The following BMP6 variants were observed in gnomAD, a reference collection of about 807,000 sequenced individuals.
BMP6 encodes bone morphogenetic protein 6, also known as VG-1-R.
A neutral mutation model predicts 54.1 loss-of-function variants in BMP6; 17 were observed. The ratio of observed to expected loss-of-function variants is 0.31; its 90% CI spans 0.22 to 0.47. The LOEUF (loss-of-function observed/expected upper bound fraction) is 0.47, where lower values mean the gene tolerates loss of function less well. Among genes scored for constraint, BMP6 ranks in the 20% least tolerant of loss-of-function variants. The pLI, the probability that BMP6 is intolerant of heterozygous loss-of-function variation, is 1.00. For missense variants in BMP6, 720 were observed against 690.4 expected (o/e 1.04, Z -0.48); for synonymous variants, 328 against 291.2 (o/e 1.13, Z -1.28).
intron 1 of BMP6, among the ~76,000 whole-genome samples, chr6:7,826,505 C>T (rs1451961161): frequency 1.3e-5 from 2 of 152,138 alleles, no homozygotes; most frequent in African/African-American, 4.8e-5. Flanking sequence ...CTCCTTAATG[C>T]CAACCTCTGG....
Position 7,749,729 on chromosome 6 carries a change from C to T in BMP6, c.664+22110C>T, listed in dbSNP as rs1469226788. Among the ~76,000 whole-genome samples, 4 of 152,134 alleles carry T rather than the reference C, an allele frequency of 2.6e-5. No individual in the cohort carries two copies. The East Asian group carries it at 5.8e-4, about 22-fold the overall frequency. ...GTGCAGACGGGACACCGTGACATTG[C>T]CTGGTTGATTCATTGTGAAGGCATC... On this transcript the variant is annotated intron_variant, in intron 1 of 6. Transcript: ENST00000283147.
At chr6:7,871,452 TG>T (rs898834613) in intron 4 of BMP6, among the ~76,000 whole-genome samples, 1 of 152,118 alleles carries the variant, frequency 6.6e-6, no homozygotes, top group Non-Finnish European at 1.5e-5. Flanking sequence ...GAATTCGTCC[TG>T]GGGGGGCTTT....
At chr6:7,878,389 G>A (rs555341780) in intron 4 of BMP6, among the ~76,000 whole-genome samples, 1 of 152,312 alleles carries the variant, frequency 6.6e-6, no homozygotes, top group African/African-American at 2.4e-5. Context: ...TGGTGATTCA[G>A]TTAAGCCAGG....
At chr6:7,876,056 C>T (rs528138300) in intron 4 of BMP6, among the ~76,000 whole-genome samples, 6 of 152,246 alleles carry the variant, frequency 3.9e-5, no homozygotes, top group African/African-American at 9.6e-5. Context: ...AGCTATCTGT[C>T]GTGGGAAATG....
chr6:7,856,614 T>TTTTTTTTTTTTTTTTTTTTTTTG (rs1491363620), intron 2 of BMP6, among the ~76,000 whole-genome samples: 2 of 95,134 alleles, frequency 2.1e-5, no homozygotes, highest in African/African-American at 7.8e-5. Context: ...TTTTTTTTTT[T>TTTTTTTTTTTTTTTTTTTTTTTG]GAGACGGAGT....
intron 1 of BMP6, among the ~76,000 whole-genome samples, chr6:7,786,468 T>G (rs1448701952): frequency 7.3e-5 from 11 of 151,658 alleles, no homozygotes; most frequent in African/African-American, 1.7e-4. Flanking sequence ...CTGTTTTTTT[T>G]TTTTTTTTTT....
At chr6:7,777,908 C>A (rs1757886033) in intron 1 of BMP6, among the ~76,000 whole-genome samples, 1 of 152,090 alleles carries the variant, frequency 6.6e-6, no homozygotes, top group Non-Finnish European at 1.5e-5. Context: ...TACATTAGTT[C>A]ATGTTTTCTT....
intron 1 of BMP6, among the ~76,000 whole-genome samples, chr6:7,788,997 A>G (rs990321648): frequency 1.3e-5 from 2 of 152,026 alleles, no homozygotes; most frequent in Non-Finnish European, 2.9e-5. Flanking sequence ...TTATTGAAGT[A>G]TAGTTGACAA....
intron 1 of BMP6, among the ~76,000 whole-genome samples, chr6:7,757,429 C>T (rs1316370363): frequency 2.6e-5 from 4 of 152,162 alleles, no homozygotes; most frequent in Non-Finnish European, 5.9e-5. Flanking sequence ...GGACATTCTC[C>T]CTATGCCTGC....
chr6:7,861,539 C>G lies in BMP6; in HGVS notation c.946C>G (p.Leu316Val), dbSNP rs147293908. ...ATTTGACATCACGGCCACTAGCAATCTGTGGGTTGTGACTCCACAGCATAA... is the reference window on the plus strand; with the variant it reads ...ATTTGACATCACGGCCACTAGCAATGTGTGGGTTGTGACTCCACAGCATAA... ...LEFDITATSN[L>V]WVVTPQHNMG... The change falls in exon 3 of 7, where the codon CTG (leucine) becomes GTG (valine). Residue 316 changes from leucine (L) to valine (V), a missense_variant. Physicochemically the swap from Leu to Val is conservative, Grantham distance 32. Transcript: ENST00000283147. 43 of 1,614,086 alleles carry G rather than the reference C, an allele frequency of 2.7e-5. No homozygotes were observed. The Admixed American group carries it at 6.8e-4, about 26-fold the overall frequency.
chr6:7,785,075 C>T (rs879410875), intron 1 of BMP6, among the ~76,000 whole-genome samples: 1 of 152,190 alleles, frequency 6.6e-6, no homozygotes, highest in South Asian at 2.1e-4. Flanking sequence ...AGCACCTGTT[C>T]CAGGTAGCTA....
In BMP6 at chr6:7,879,056, T is replaced by C. The variant is rs1340418278; in HGVS notation, c.1205-18T>C. The C allele has an allele frequency of 6.2e-7, 1 of 1,610,568 alleles. No individual in the cohort carries two copies. Among genetic ancestry groups the C allele is most frequent in the African/African-American group, 1.3e-5 (1 of 74,882 alleles). On this transcript the variant is annotated intron_variant, in intron 4 of 6. Coordinates refer to ENST00000283147, the MANE Select transcript of BMP6 (RefSeq NM_001718.6). ...GGTGCATCTTTTGATGGGTGCATCTTTTGATCTCCTCCAACAGATTACAAC... is the reference window on the plus strand; with the variant it reads ...GGTGCATCTTTTGATGGGTGCATCTCTTGATCTCCTCCAACAGATTACAAC...
chr6:7,745,975 AAG>A (rs146822215), intron 1 of BMP6, among the ~76,000 whole-genome samples: 28,819 of 151,922 alleles, frequency 0.19, 2,963 homozygotes, highest in East Asian at 0.29. Context: ...TCAAGAAAAA[AAG>A]AGAGAGAGAG....
At chr6:7,861,428 A>T in intron 2 of BMP6, 23 bp from the exon 3 acceptor site, 1 of 1,612,960 alleles carries the variant, frequency 6.2e-7, no homozygotes, top group Non-Finnish European at 8.5e-7. Context: ...GCTATTTACC[A>T]GGCCATTTTT....
intron 1 of BMP6, among the ~76,000 whole-genome samples, chr6:7,794,441 T>G (rs910456015): frequency 2.6e-5 from 4 of 151,864 alleles, no homozygotes; most frequent in African/African-American, 9.7e-5. Flanking sequence ...TACTAAAAAT[T>G]TTTTTAAAAA....
intron 1 of BMP6, among the ~76,000 whole-genome samples, chr6:7,833,027 A>G (rs532790187): frequency 6.6e-6 from 1 of 152,064 alleles, no homozygotes; most frequent in African/African-American, 2.4e-5. Flanking sequence ...CCCTGGTACT[A>G]GCTGCAGTGT....
At chr6:7,870,042 A>G (rs1166858330) in intron 4 of BMP6, among the ~76,000 whole-genome samples, 2 of 152,050 alleles carry the variant, frequency 1.3e-5, no homozygotes, top group South Asian at 2.1e-4. Context: ...GGACAAGAAG[A>G]CTCCATCACT....
At chr6:7,813,384 G>A (rs1758469155) in intron 1 of BMP6, among the ~76,000 whole-genome samples, 1 of 134,440 alleles carries the variant, frequency 7.4e-6, no homozygotes, top group African/African-American at 2.8e-5. Flanking sequence ...CACTTTTGGA[G>A]GCCAAGGCAA....
chr6:7,744,705 GCC>G (rs2113121518), intron 1 of BMP6, among the ~76,000 whole-genome samples: 1 of 152,260 alleles, frequency 6.6e-6, no homozygotes, highest in South Asian at 2.1e-4. Flanking sequence ...CTTGTTATCT[GCC>G]CTGAGCATGG....
Sources: gnomAD v4.1 joint callset for allele counts (sites outside exome capture counted in the v4.1 genomes callset) on GRCh38, gnomAD v4.1.1 for gene constraint, MANE v1.5 for transcripts, NCBI Gene and HGNC (gene_info 2026-07-23, HGNC 2026-07-21) for gene names.